The following NRG3 variants were observed in gnomAD, a reference collection of about 807,000 sequenced individuals.
NRG3 encodes the protein neuregulin 3.
Under a neutral mutation model 66.9 loss-of-function variants are expected in NRG3, and 31 were observed. The observed-to-expected ratio is 0.46, with a 90% confidence interval of 0.35 to 0.63. The LOEUF (loss-of-function observed/expected upper bound fraction) is 0.63. NRG3 is among the 20% of genes least tolerant of loss of function. NRG3 has a pLI of 0.00. For missense variants in NRG3, 910 were observed against 878.9 expected (o/e 1.04, Z -0.45); for synonymous variants, 393 against 359.4 (o/e 1.09, Z -1.06).
intron 1 of NRG3, among the ~76,000 whole-genome samples, chr10:81,954,542 C>G (rs1463325857): frequency 1.3e-5 from 2 of 152,216 alleles, no homozygotes; most frequent in East Asian, 3.9e-4. Flanking sequence ...CTTGCTTTCT[C>G]TCTCTCTCTA....
chr10:82,923,329 T>C (rs1846634396), intron 4 of NRG3, among the ~76,000 whole-genome samples: 1 of 152,218 alleles, frequency 6.6e-6, no homozygotes, highest in South Asian at 2.1e-4. Context: ...TCTACTCTCC[T>C]TTCAGGATCA....
At chr10:82,818,171 G>A (rs1044007065) in intron 3 of NRG3, among the ~76,000 whole-genome samples, 3 of 152,216 alleles carry the variant, frequency 2.0e-5, no homozygotes, top group African/African-American at 4.8e-5. Flanking sequence ...TAACTTCTGG[G>A]TGTTGCCATG....
intron 1 of NRG3, among the ~76,000 whole-genome samples, chr10:82,082,009 TAATA>T (rs1325237929): frequency 3.3e-5 from 5 of 152,178 alleles, no homozygotes; most frequent in Non-Finnish European, 7.4e-5. Flanking sequence ...AAATAAGTGA[TAATA>T]AATAAATAAA....
Position 82,367,064 on chromosome 10 carries a change from A to G in NRG3, c.953+8196A>G, listed in dbSNP as rs115218641. Among the ~76,000 whole-genome samples, 723 of 152,290 alleles carry G rather than the reference A, an allele frequency of 4.7e-3. 6 individuals carry two copies. The highest frequency in any genetic ancestry group is 0.017 in the African/African-American group (693 of 41,562). On this transcript the variant is annotated intron_variant, in intron 2 of 8. Transcript: ENST00000372141. ...AGTTAGTACATTGCTTTGGATATGT[A>G]GCTTTTAGCTGCTCTCCTTTGTAAG... is the stretch of plus-strand genomic sequence containing the variant.
chr10:82,948,088 G>T (rs889046424), intron 4 of NRG3, among the ~76,000 whole-genome samples: 1 of 151,914 alleles, frequency 6.6e-6, no homozygotes, highest in African/African-American at 2.4e-5. Context: ...GTGTATATAT[G>T]TATAGAGTAT....
chr10:82,640,930 G>C (rs1222014281), intron 2 of NRG3, among the ~76,000 whole-genome samples: 1 of 151,624 alleles, frequency 6.6e-6, no homozygotes, highest in Non-Finnish European at 1.5e-5. Context: ...GATTTGATAG[G>C]AATTGTTGCA....
At chr10:82,523,057 A>G (rs780319835) in intron 2 of NRG3, among the ~76,000 whole-genome samples, 12 of 152,208 alleles carry the variant, frequency 7.9e-5, no homozygotes, top group Non-Finnish European at 1.6e-4. Flanking sequence ...TTCTCTTAGC[A>G]TGAAGTTTCA....
At chr10:82,931,233 G>A (rs1200039782) in intron 4 of NRG3, among the ~76,000 whole-genome samples, 2 of 152,192 alleles carry the variant, frequency 1.3e-5, no homozygotes, top group Non-Finnish European at 2.9e-5. Flanking sequence ...AGCAGGAATA[G>A]AAAGCTTACC....
chr10:82,900,086 T>A lies in NRG3; in HGVS notation c.1054+34649T>A, dbSNP rs1456481320. On this transcript the variant is annotated intron_variant, in intron 4 of 8. Coordinates refer to ENST00000372141, the MANE Select transcript of NRG3 (RefSeq NM_001010848.4). ...AGGCAAAGGGGCAGCAGGCATCTCA[T>A]ATGATGGGAGCAGGAGCAAGAGAGA... is the stretch of plus-strand genomic sequence containing the variant. 2.0e-5 allele frequency among the ~76,000 whole-genome samples: 3 copies of A among 152,226 alleles called. No individual in the cohort carries two copies. In the East Asian group the frequency reaches 5.8e-4, roughly 30 times the overall value.
At chr10:82,218,275 C>T (rs56117798) in intron 1 of NRG3, among the ~76,000 whole-genome samples, 10,859 of 152,200 alleles carry the variant, frequency 0.071, 429 homozygotes, top group African/African-American at 0.11. Flanking sequence ...ATTAGTCTTC[C>T]TGATACTAAT....
intron 2 of NRG3, among the ~76,000 whole-genome samples, chr10:82,435,774 C>CTTT (rs2090098724): frequency 8.2e-6 from 1 of 121,418 alleles, no homozygotes; most frequent in African/African-American, 3.1e-5. Flanking sequence ...AGTTTCTTTT[C>CTTT]TTTTCTTTTT....
At chr10:82,935,763 A>G (rs895593044) in intron 4 of NRG3, among the ~76,000 whole-genome samples, 2 of 152,106 alleles carry the variant, frequency 1.3e-5, no homozygotes, top group Non-Finnish European at 2.9e-5. Flanking sequence ...AGCTGGGACT[A>G]CAGGTGCGTG....
chr10:82,048,979 A>G (rs2063454348), intron 1 of NRG3, among the ~76,000 whole-genome samples: 1 of 152,162 alleles, frequency 6.6e-6, no homozygotes, highest in South Asian at 2.1e-4. Context: ...CAACTACACA[A>G]ATAAACTAGA....
At chr10:81,962,893 T>C (rs1010116305) in intron 1 of NRG3, among the ~76,000 whole-genome samples, 2 of 152,290 alleles carry the variant, frequency 1.3e-5, no homozygotes, top group African/African-American at 2.4e-5. Flanking sequence ...TGCATAGTGA[T>C]TGGCTTTCAC....
Position 82,081,110 on chromosome 10 carries a change from C to T in NRG3, c.823+204947C>T, listed in dbSNP as rs144360839. Among the ~76,000 whole-genome samples the T allele has an allele frequency of 6.3e-3, 966 of 152,244 alleles. 13 individuals carry two copies. The highest frequency in any genetic ancestry group is 0.022 in the African/African-American group (909 of 41,550). ...CATTATCAATGACCTATAGCATGAACATTTTTGTGGGGGAATGTGTGTAAA... is the reference window on the plus strand; with the variant it reads ...CATTATCAATGACCTATAGCATGAATATTTTTGTGGGGGAATGTGTGTAAA... On this transcript the variant is annotated intron_variant, in intron 1 of 8. Transcript: ENST00000372141.
chr10:82,581,796 C>G (rs1192226425), intron 2 of NRG3, among the ~76,000 whole-genome samples: 1 of 151,938 alleles, frequency 6.6e-6, no homozygotes, highest in Non-Finnish European at 1.5e-5. Flanking sequence ...TTCCCAAACC[C>G]AAGGTAACCT....
At chr10:82,129,970 A>C (rs1432467042) in intron 1 of NRG3, among the ~76,000 whole-genome samples, 1 of 151,938 alleles carries the variant, frequency 6.6e-6, no homozygotes, top group Admixed American at 6.6e-5. Flanking sequence ...GTAACCATTA[A>C]CCATCCCCAC....
At chr10:82,554,267 G>A (rs181300605) in intron 2 of NRG3, among the ~76,000 whole-genome samples, 1,990 of 151,698 alleles carry the variant, frequency 0.013, 48 homozygotes, top group African/African-American at 0.043. Context: ...TTCAAAATAC[G>A]TAGGAAAGAT....
chr10:82,497,794 T>G (rs2132311043), intron 2 of NRG3, among the ~76,000 whole-genome samples: 1 of 152,312 alleles, frequency 6.6e-6, no homozygotes, highest in East Asian at 1.9e-4. Context: ...GGTAGTTCTA[T>G]TTTCAATTTT....
Sources: allele counts gnomAD v4.1 joint callset (sites outside exome capture counted in the v4.1 genomes callset), GRCh38; gene constraint gnomAD v4.1.1; transcripts MANE v1.5; gene names NCBI Gene and HGNC (gene_info 2026-07-23, HGNC 2026-07-21).